TBC1D14: variants seen among roughly 807,000 people sequenced by gnomAD.
The protein encoded by TBC1D14 is TBC1 domain family member 14, also known as TBC1 domain family, member 14.
A neutral mutation model predicts 79.0 loss-of-function variants in TBC1D14; 26 were observed. The observed-to-expected ratio is 0.33, with a 90% CI of 0.24 to 0.46. TBC1D14 has a LOEUF of 0.46. TBC1D14 is among the 20% of genes least tolerant of loss of function. The pLI, the probability that TBC1D14 is intolerant of heterozygous loss-of-function variation, is 1.00. For synonymous variants in TBC1D14, 394 were observed against 349.9 expected (o/e 1.13, Z -1.40); for missense variants, 769 against 887.6 (o/e 0.87, Z 1.70).
intron 2 of TBC1D14, among the ~76,000 whole-genome samples, chr4:6,947,626 C>T (rs1433751493): frequency 6.7e-6 from 1 of 148,728 alleles, no homozygotes; most frequent in Non-Finnish European, 1.5e-5. Context: ...TGCGCCACGG[C>T]ACTCCCGCCT....
In TBC1D14 at chr4:7,032,648, A is replaced by C. The variant is rs1282143627; in HGVS notation, c.*2256A>C. On this transcript the variant is annotated 3_prime_UTR_variant, in exon 14 of 14. Coordinates refer to ENST00000409757, the MANE Select transcript of TBC1D14 (RefSeq NM_020773.3). ...CCTCTTCAGAGGCCAGAAAGTTCTAAGTTCTGAGTCCCCGGCCAGGGTCCC... is the reference window on the plus strand; with the variant it reads ...CCTCTTCAGAGGCCAGAAAGTTCTACGTTCTGAGTCCCCGGCCAGGGTCCC... The C allele has an allele frequency of 6.6e-6, 1 of 152,198 alleles. No homozygotes were observed. Among genetic ancestry groups the C allele is most frequent in the African/African-American group, 2.4e-5 (1 of 41,434 alleles). 9.4% of individuals were successfully genotyped at this position (152,198 alleles called of 1,614,324 possible).
rs750667631 is a variant in TBC1D14, at chr4:6,953,629, C to CAA, written c.723-13654_723-13653dup. On this transcript the variant is annotated intron_variant, in intron 2 of 13. Transcript: ENST00000409757. ...CCTGGGCGACAGCGAGACTCCGTCT[C>CAA]AAAAAAAAAAAAAAAAAAAAAAGAA... 9.7e-3 allele frequency among the ~76,000 whole-genome samples: 532 copies of CAA among 54,922 alleles called. 73 individuals carry two copies. Among genetic ancestry groups the CAA allele is most frequent in the African/African-American group, 0.03 (367 of 12,336 alleles). 36.0% of individuals were successfully genotyped at this position (54,922 alleles called of 152,430 possible).
At chr4:7,018,414 C>G (rs1054011986) in intron 12 of TBC1D14, among the ~76,000 whole-genome samples, 1 of 152,112 alleles carries the variant, frequency 6.6e-6, no homozygotes, top group Non-Finnish European at 1.5e-5. Context: ...CACTGCCTGC[C>G]CACCAAACCT....
chr4:6,952,846 G>T (rs138978102), intron 2 of TBC1D14, among the ~76,000 whole-genome samples: 2,236 of 151,574 alleles, frequency 0.015, 24 homozygotes, highest in Non-Finnish European at 0.024. Context: ...TTTTGTTGTT[G>T]TTGTTTTTGT....
At chr4:7,029,461 G>A (rs1577202330) in intron 13 of TBC1D14, among the ~76,000 whole-genome samples, 3 of 152,382 alleles carry the variant, frequency 2.0e-5, no homozygotes, top group Admixed American at 6.5e-5. Context: ...GGCGCGAAGC[G>A]CTGGCAGAGT....
In TBC1D14 at chr4:6,994,270, C is replaced by T. The variant is rs1420912300; in HGVS notation, c.930C>T (p.Ser310=). ...VRKNLDFEPL[S]TTALILEDRP... is the part of the protein sequence containing the mutation. ...AGAATCTTGACTTTGAACCACTTTC[C>T]ACCACCGCACTCATCCTCGAGGACA... The change falls in exon 4 of 14, where the codon TCC becomes TCT. Residue 310 remains serine (S), a synonymous_variant. Coordinates refer to ENST00000409757, the MANE Select transcript of TBC1D14 (RefSeq NM_020773.3). The T allele has an allele frequency of 6.2e-7, 1 of 1,614,174 alleles. No individual in the cohort carries two copies. The highest frequency in any genetic ancestry group is 1.1e-5 in the South Asian group (1 of 91,086).
Position 6,933,241 on chromosome 4 carries a change from CCCCT to C in TBC1D14, c.722+9134_722+9137del, listed in dbSNP as rs1560256096. Among the ~76,000 whole-genome samples, 71 of 8,054 alleles carry C rather than the reference CCCCT, an allele frequency of 8.8e-3. 2 individuals carry two copies. Among genetic ancestry groups the C allele is most frequent in the Non-Finnish European group, 0.015 (46 of 3,098 alleles). 5.3% of individuals were successfully genotyped at this position (8,054 alleles called of 152,430 possible). A position where few individuals can be genotyped will look rare whatever the true frequency, so the allele number is the denominator to read the frequency against. On this transcript the variant is annotated intron_variant, in intron 2 of 13. Coordinates refer to ENST00000409757, the MANE Select transcript of TBC1D14 (RefSeq NM_020773.3). ...GTGTAAGGCTCATTGAGAATTACCT[CCCCT>C]CCCCTCCCCTCCCCTCCCCTCCCTT...
intron 8 of TBC1D14, 82 bp downstream of exon 8, chr4:7,005,006 T>G: frequency 1.6e-6 from 2 of 1,250,628 alleles, no homozygotes; most frequent in Non-Finnish European, 2.3e-6. Context: ...AAAGTTGACG[T>G]TAACTACAGT....
rs78480604 is a variant in TBC1D14, at chr4:7,023,323, G to T, written c.1758-1681G>T. On this transcript the variant is annotated intron_variant, in intron 12 of 13. Transcript: ENST00000409757. ...CCATCCGTTTTTTTCTCAGGACTCT[G>T]CTTTTTAGCAGATGTAGGGAGAGTC... 6.4e-3 allele frequency among the ~76,000 whole-genome samples: 982 copies of T among 152,272 alleles called. 12 individuals carry two copies. Among genetic ancestry groups the T allele is most frequent in the African/African-American group, 0.023 (936 of 41,554 alleles).
chr4:6,965,176 G>T lies in TBC1D14; in HGVS notation c.723-2128G>T, dbSNP rs369587044. Among the ~76,000 whole-genome samples, 638 of 141,368 alleles carry T rather than the reference G, an allele frequency of 4.5e-3. 5 individuals are homozygous for T. Among genetic ancestry groups the T allele is most frequent in the African/African-American group, 0.015 (582 of 38,260 alleles). The allele number at this position is 141,368 out of a possible 152,430, so 92.7% of individuals were successfully genotyped here. A position where few individuals can be genotyped will look rare whatever the true frequency, so the allele number is the denominator to read the frequency against. On this transcript the variant is annotated intron_variant, in intron 2 of 13. Transcript: ENST00000409757. Reference sequence around the variant, plus strand: ...CCCAATAATCTTTTTTTTTTTTGGCGATAGAGTCTCACTCTGTCGCCCCCA... The same window carrying T: ...CCCAATAATCTTTTTTTTTTTTGGCTATAGAGTCTCACTCTGTCGCCCCCA...
chr4:7,024,871 GCCTGGC>G, intron 12 of TBC1D14, 127 bp from the exon 13 acceptor site: 1 of 1,195,626 alleles, frequency 8.4e-7, no homozygotes, highest in Non-Finnish European at 1.2e-6. Context: ...GTGAGTGCAG[GCCTGGC>G]CCTGGCCCCA....
At chr4:6,975,690 A>G (rs1716657004) in intron 3 of TBC1D14, among the ~76,000 whole-genome samples, 1 of 152,246 alleles carries the variant, frequency 6.6e-6, no homozygotes, top group Non-Finnish European at 1.5e-5. Flanking sequence ...ATTAAGTGGA[A>G]ATTTTGTAAC....
chr4:7,015,456 A>T (rs7670187), intron 12 of TBC1D14, among the ~76,000 whole-genome samples: 81,819 of 151,754 alleles, frequency 0.54, 22,157 homozygotes, highest in East Asian at 0.61. Flanking sequence ...TTGACTTCAG[A>T]TGGGTGATTT....
At chr4:7,025,344 G>GTCTGAGGACGTA in intron 13 of TBC1D14, 82 bp downstream of exon 13, 2 of 1,567,586 alleles carry the variant, frequency 1.3e-6, no homozygotes, top group Non-Finnish European at 1.7e-6. Flanking sequence ...GTAAAGTGCT[G>GTCTGAGGACGTA]TCTGAGGACG....
At position 6,914,413 on chromosome 4, in the gene TBC1D14, T is replaced by C. The variant is rs1723232773; in HGVS notation, c.-18+4462T>C. On this transcript the variant is annotated intron_variant, in intron 1 of 13. Transcript: ENST00000409757. The stretch of plus-strand genomic sequence containing the variant: ...TATTTTTATCCTAAAGAATCACCCA[T>C]TTAAAAGCCAAACTACTTTTATAAT... Among the ~76,000 whole-genome samples the C allele has an allele frequency of 3.3e-5, 5 of 152,366 alleles. No individual in the cohort carries two copies. The South Asian group carries it at 1.0e-3, about 32-fold the overall frequency.
At position 7,004,876 on chromosome 4, in the gene TBC1D14, G is replaced by A; in HGVS notation, c.1303G>A (p.Glu435Lys). 6.2e-7 allele frequency: 1 copy of A among 1,614,170 alleles called. No individual in the cohort carries two copies. Among genetic ancestry groups the A allele is most frequent in the Non-Finnish European group, 8.5e-7 (1 of 1,180,020 alleles). Residue 435 changes from glutamate (E) to lysine (K), a missense_variant, in exon 8 of 14, where the codon GAG (glutamate) becomes AAG (lysine). This residue lies in a region of TBC1D14 where 367 missense variants were observed against 494.4 expected (regional missense o/e 0.74). Transcript: ENST00000409757. ...LFDICLARAK[E>K]RWRSLSTGGS... is the part of the protein sequence containing the mutation. ...TGACATCTGTCTTGCCCGAGCCAAG[G>A]AGAGGTGGCGGTCCCTTAGCACAGG...
chr4:6,921,738 C>T (rs892245281), intron 1 of TBC1D14, among the ~76,000 whole-genome samples: 2 of 149,026 alleles, frequency 1.3e-5, no homozygotes, highest in African/African-American at 5.0e-5. Flanking sequence ...GCTCTGTTGC[C>T]CAGGCTGGAG....
At chr4:7,007,550 G>C in intron 9 of TBC1D14, 1 of 1,289,338 alleles carries the variant, frequency 7.8e-7, no homozygotes, top group Non-Finnish European at 1.0e-6. Context: ...ATTTCCGTGT[G>C]GGTCTTCAGA....
chr4:6,926,119 A>G (rs561678521), intron 2 of TBC1D14, among the ~76,000 whole-genome samples: 1 of 152,308 alleles, frequency 6.6e-6, no homozygotes, highest in East Asian at 1.9e-4. Context: ...CCGTGTGCCC[A>G]TTATGCTGTT....
Sources: allele counts gnomAD v4.1 joint callset (sites outside exome capture counted in the v4.1 genomes callset), GRCh38; gene constraint gnomAD v4.1.1; regional missense constraint gnomAD v4.1.1; transcripts MANE v1.5; gene names NCBI Gene and HGNC (gene_info 2026-07-23, HGNC 2026-07-21).